Variants in LDB3 observed in about 807,000 individuals in gnomAD.
LDB3 encodes LIM domain binding 3, also known as LIM domain-binding protein 3.
LDB3 carries 49 observed loss-of-function variants against 69.0 expected under a neutral mutation model. That is an observed-to-expected ratio of 0.71 (90% CI 0.56 to 0.90). LDB3 has a LOEUF of 0.90. LDB3 is among the 40% of genes least tolerant of loss of function. The pLI, the probability that LDB3 is intolerant of heterozygous loss-of-function variation, is 0.00. For synonymous variants in LDB3, 387 were observed against 396.2 expected (o/e 0.98, Z 0.28); for missense variants, 928 against 974.1 (o/e 0.95, Z 0.63).
intron 7 of LDB3, among the ~76,000 whole-genome samples, chr10:86,704,602 C>T (rs550461241): frequency 1.3e-3 from 155 of 123,232 alleles, no homozygotes; most frequent in African/African-American, 4.7e-3. Flanking sequence ...TTTTTTGAGA[C>T]GGAGTCTCGC....
intron 7 of LDB3, among the ~76,000 whole-genome samples, chr10:86,703,606 C>T (rs1846339947): frequency 6.6e-6 from 1 of 152,254 alleles, no homozygotes; most frequent in African/African-American, 2.4e-5. Flanking sequence ...TGCCACTTCT[C>T]CAGCTCCATT....
intron 12 of LDB3, among the ~76,000 whole-genome samples, chr10:86,724,602 CA>C (rs200011805): frequency 6.0e-5 from 8 of 133,850 alleles, no homozygotes; most frequent in African/African-American, 1.4e-4. Context: ...GACTCCGTCG[CA>C]AAAAAAAATA....
At position 86,691,879 on chromosome 10, in the gene LDB3, C is replaced by A; in HGVS notation, c.690-17C>A. ...CTCCAGCCTAGCCCTCGCCCACGGC[C>A]TCTCTCTGCATTACAGGAGCCTCCC... On this transcript the variant is annotated splice_polypyrimidine_tract_variant and intron_variant, in intron 5 of 13. Coordinates refer to ENST00000361373, the MANE Select transcript of LDB3 (RefSeq NM_007078.3). 1 of 1,613,832 alleles carries A rather than the reference C, an allele frequency of 6.2e-7. No individual in the cohort carries two copies. The highest frequency in any genetic ancestry group is 8.5e-7 in the Non-Finnish European group (1 of 1,180,010).
At chr10:86,685,051 G>A (rs1845386030) in intron 5 of LDB3, among the ~76,000 whole-genome samples, 1 of 152,156 alleles carries the variant, frequency 6.6e-6, no homozygotes, top group Non-Finnish European at 1.5e-5. Flanking sequence ...TTTAGGAGTG[G>A]CCCCTGGTGA....
At chr10:86,707,981 A>C (rs1443580975) in intron 8 of LDB3, among the ~76,000 whole-genome samples, 2 of 152,228 alleles carry the variant, frequency 1.3e-5, no homozygotes, top group African/African-American at 4.8e-5. Context: ...TCTGTTTTTG[A>C]GTGGGAAGAA....
chr10:86,717,879 AG>A, intron 10 of LDB3, 84 bp from the exon 11 acceptor site: 1 of 1,270,514 alleles, frequency 7.9e-7, no homozygotes, highest in Non-Finnish European at 1.1e-6. Context: ...ATTGGGTAAA[AG>A]TATAAACAGT....
At chr10:86,702,902 C>T (rs912725490) in intron 7 of LDB3, among the ~76,000 whole-genome samples, 1 of 152,186 alleles carries the variant, frequency 6.6e-6, no homozygotes, top group Non-Finnish European at 1.5e-5. Flanking sequence ...CCCCAAGCAG[C>T]AGGCTCCCTT....
chr10:86,692,641 C>A, intron 7 of LDB3, 70 bp downstream of exon 7: 1 of 1,378,254 alleles, frequency 7.3e-7, no homozygotes, highest in South Asian at 1.2e-5. Flanking sequence ...GCCCCCAGGT[C>A]ACATCACTCA....
At chr10:86,692,687 C>A in intron 7 of LDB3, 116 bp downstream of exon 7, 1 of 982,196 alleles carries the variant, frequency 1.0e-6, no homozygotes, top group Non-Finnish European at 1.6e-6. Context: ...ATTTGGAAAG[C>A]CTGGCCTGCA....
chr10:86,732,948 A>G lies in LDB3; in HGVS notation c.2156A>G (p.Lys719Arg). The G allele has an allele frequency of 6.2e-7, 1 of 1,613,912 alleles. No homozygotes were observed. Among genetic ancestry groups the G allele is most frequent in the Non-Finnish European group, 8.5e-7 (1 of 1,179,916 alleles). ...FYSKKDRPLC[K>R]KHAHTINL ...TCCAAGAAGGACAGACCCCTGTGCAAGAAGCACGCACACACCATCAACTTG... is the reference window on the plus strand; with the variant it reads ...TCCAAGAAGGACAGACCCCTGTGCAGGAAGCACGCACACACCATCAACTTG... Residue 719 changes from lysine to arginine, a missense_variant, in exon 14 of 14, where the codon AAG becomes AGG. Transcript: ENST00000361373.
In LDB3 at chr10:86,694,131, G is replaced by A. The variant is rs1845901399; in HGVS notation, c.896+1560G>A. On this transcript the variant is annotated intron_variant, in intron 7 of 13. Coordinates refer to ENST00000361373, the MANE Select transcript of LDB3 (RefSeq NM_007078.3). The stretch of plus-strand genomic sequence containing the variant: ...GGAAAGAGTACCGTGGAAGTGCATT[G>A]CAGCAAACTTTTGTCTTTTCTTTCC... 2.6e-5 allele frequency among the ~76,000 whole-genome samples: 4 copies of A among 152,328 alleles called. No homozygotes were observed. In the South Asian group the frequency reaches 8.3e-4, roughly 32 times the overall value.
intron 2 of LDB3, among the ~76,000 whole-genome samples, chr10:86,673,036 C>T (rs1236730484): frequency 6.6e-6 from 1 of 152,252 alleles, no homozygotes; most frequent in African/African-American, 2.4e-5. Flanking sequence ...AGACCCTCCT[C>T]TACACTGAGC....
intron 7 of LDB3, among the ~76,000 whole-genome samples, chr10:86,696,772 A>G (rs1846017901): frequency 6.6e-6 from 1 of 152,202 alleles, no homozygotes; most frequent in Non-Finnish European, 1.5e-5. Context: ...GACTTTGCTC[A>G]TGCCATCTCC....
At chr10:86,726,664 C>T (rs1020207963) in intron 13 of LDB3, among the ~76,000 whole-genome samples, 1 of 152,142 alleles carries the variant, frequency 6.6e-6, no homozygotes, top group African/African-American at 2.4e-5. Flanking sequence ...TTACCCCAAA[C>T]ACTAGATTGG....
intron 13 of LDB3, among the ~76,000 whole-genome samples, chr10:86,729,856 G>T (rs1335966483): frequency 6.6e-6 from 1 of 152,158 alleles, no homozygotes; most frequent in Non-Finnish European, 1.5e-5. Context: ...AACCAGCATT[G>T]TCCCAGTCCA....
chr10:86,726,481 GGAC>G, intron 13 of LDB3: 1 of 562,506 alleles, frequency 1.8e-6, no homozygotes, highest in Non-Finnish European at 3.2e-6. Flanking sequence ...ATTTCGTTAA[GGAC>G]AACAGAGTGT....
Position 86,716,540 on chromosome 10 carries a change from C to G in LDB3, c.1445C>G (p.Ala482Gly), listed in dbSNP as rs774313535. 5.0e-6 allele frequency: 8 copies of G among 1,613,280 alleles called. No homozygotes were observed. The highest frequency in any genetic ancestry group is 1.3e-5 in the African/African-American group (1 of 74,646). The change falls in exon 10 of 14, where the codon GCG becomes GGG. Residue 482 changes from alanine to glycine, a missense_variant. By Grantham distance (60) the Ala-to-Gly change is moderately conservative. Transcript: ENST00000361373. ...APSVAYSGGPAEPASRPPWVT... is the reference protein window; with the variant it reads ...APSVAYSGGPGEPASRPPWVT... ...TCGGTGGCCTACAGCGGGGGCCCTG[C>G]GGAGCCTGCCAGCCGTCCACCCTGG...
intron 9 of LDB3, 123 bp from the exon 10 acceptor site, chr10:86,716,204 A>T: frequency 6.7e-6 from 8 of 1,188,334 alleles, no homozygotes; most frequent in South Asian, 6.2e-5. Flanking sequence ...CTCCCAAAAA[A>T]ACTGAAATTG....
intron 2 of LDB3, 45 bp from the exon 3 acceptor site, chr10:86,679,306 ACTGGCCTTTCCTCAGG>A: frequency 1.9e-6 from 3 of 1,598,966 alleles, no homozygotes; most frequent in Non-Finnish European, 2.6e-6. Context: ...TTCCCCAAGG[ACTGGCCTTTCCTCAGG>A]ACCACCTTCC....
Sources: gnomAD v4.1 joint callset for allele counts (sites outside exome capture counted in the v4.1 genomes callset) on GRCh38, gnomAD v4.1.1 for gene constraint, MANE v1.5 for transcripts, NCBI Gene and HGNC (gene_info 2026-07-23, HGNC 2026-07-21) for gene names.